PRPF6: variants seen among roughly 807,000 people sequenced by gnomAD.
PRPF6 encodes pre-mRNA processing factor 6.
In PRPF6, 42 loss-of-function variants were observed where a neutral mutation model predicts 118.3. The observed-to-expected ratio is 0.35, with a 90% confidence interval of 0.28 to 0.46. The LOEUF (loss-of-function observed/expected upper bound fraction) is 0.46, where lower values mean the gene tolerates loss of function less well. Among genes scored for constraint, PRPF6 ranks in the 20% least tolerant of loss-of-function variants. The pLI, the probability that PRPF6 is intolerant of heterozygous loss-of-function variation, is 1.00. For synonymous variants in PRPF6, 481 were observed against 485.1 expected, an observed-to-expected ratio of 0.99 and a Z score of 0.11; for missense variants, 662 against 1,255.7, an observed-to-expected ratio of 0.53 and a Z score of 7.15.
intron 5 of PRPF6, 75 bp from the exon 6 acceptor site, chr20:63,995,252 T>C (rs1429425794): frequency 1.3e-6 from 2 of 1,573,376 alleles, no homozygotes; most frequent in African/African-American, 1.4e-5. Context: ...TGGGGAAGTA[T>C]TTCAGAGAGT....
Position 64,002,924 on chromosome 20 carries a change from G to A in PRPF6, c.1186+1685G>A, listed in dbSNP as rs1205361895. Among the ~76,000 whole-genome samples the A allele has an allele frequency of 2.7e-5, 4 of 150,496 alleles. No homozygotes were observed. The South Asian group carries it at 8.5e-4, about 32-fold the overall frequency. On this transcript the variant is annotated intron_variant, in intron 9 of 20. Coordinates refer to ENST00000266079, the MANE Select transcript of PRPF6 (RefSeq NM_012469.4). The stretch of plus-strand genomic sequence containing the variant: ...CTCCCAAAGTGCTGGGATTACAGGC[G>A]TGAGCCACTGTGCCCGGCCAGATTT...
In PRPF6 at chr20:64,021,803, C is replaced by G. The variant is rs1256014062; in HGVS notation, c.1648-954C>G. Among the ~76,000 whole-genome samples, 9 of 133,170 alleles carry G rather than the reference C, an allele frequency of 6.8e-5. No individual in the cohort carries two copies. The East Asian group carries it at 2.1e-3, about 31-fold the overall frequency. The allele number at this position is 133,170 out of a possible 152,430, so 87.4% of individuals were successfully genotyped here. A position where few individuals can be genotyped will look rare whatever the true frequency, so the allele number is the denominator to read the frequency against. On this transcript the variant is annotated intron_variant, in intron 12 of 20. Transcript: ENST00000266079. ...GTGTGTGTGCGTGTGTATGCGTGCA[C>G]GTATGCATATGCCTCGGCCACAGCC...
chr20:64,002,272 C>T (rs373517724), intron 9 of PRPF6, among the ~76,000 whole-genome samples: 30 of 151,508 alleles, frequency 2.0e-4, no homozygotes, highest in African/African-American at 6.1e-4. Context: ...CTGCCTGCCT[C>T]GGCCTCCCAA....
chr20:64,016,342 T>G (rs1239566421), intron 11 of PRPF6, among the ~76,000 whole-genome samples: 1 of 152,148 alleles, frequency 6.6e-6, no homozygotes, highest in African/African-American at 2.4e-5. Flanking sequence ...TTGGCCAGGC[T>G]GGTCTCGAAC....
Position 64,001,147 on chromosome 20 carries a change from C to G in PRPF6, c.1094C>G (p.Ala365Gly). The G allele has an allele frequency of 6.2e-7, 1 of 1,614,232 alleles. No individual in the cohort carries two copies. Among genetic ancestry groups the G allele is most frequent in the Non-Finnish European group, 8.5e-7 (1 of 1,180,036 alleles). Residue 365 changes from alanine (A) to glycine (G), a missense_variant, in exon 9 of 21, where the codon GCT becomes GGT. Ala to Gly is a moderately conservative substitution (Grantham distance 60). Around this residue, in one of 10 missense-constraint regions of PRPF6, gnomAD observed 189 missense variants for 323.5 expected, o/e 0.58. Transcript: ENST00000266079. ...ACAGCCAAGGCCGTGGTAGCCCAAG[C>G]TGTCCGTCATCTCCCACAGTCTGTC... ...GDTAKAVVAQ[A>G]VRHLPQSVRI...
chr20:64,001,148 T>C lies in PRPF6; in HGVS notation c.1095T>C (p.Ala365=). The C allele has an allele frequency of 6.2e-7, 1 of 1,614,200 alleles. No individual in the cohort carries two copies. Among genetic ancestry groups the C allele is most frequent in the Non-Finnish European group, 8.5e-7 (1 of 1,180,036 alleles). Reference sequence around the variant, plus strand: ...CAGCCAAGGCCGTGGTAGCCCAAGCTGTCCGTCATCTCCCACAGTCTGTCA... The same window carrying C: ...CAGCCAAGGCCGTGGTAGCCCAAGCCGTCCGTCATCTCCCACAGTCTGTCA... ...GDTAKAVVAQ[A]VRHLPQSVRI... Residue 365 remains alanine, a synonymous_variant, in exon 9 of 21, where the codon GCT becomes GCC. Coordinates refer to ENST00000266079, the MANE Select transcript of PRPF6 (RefSeq NM_012469.4).
At chr20:64,016,229 C>T (rs1048732598) in intron 11 of PRPF6, among the ~76,000 whole-genome samples, 1 of 151,766 alleles carries the variant, frequency 6.6e-6, no homozygotes, top group Non-Finnish European at 1.5e-5. Context: ...TCAAGTGATT[C>T]TCCTGCCTCG....
intron 3 of PRPF6, among the ~76,000 whole-genome samples, chr20:63,986,821 A>G (rs1355812436): frequency 6.6e-6 from 1 of 151,688 alleles, no homozygotes; most frequent in Non-Finnish European, 1.5e-5. Flanking sequence ...AATGCATTTG[A>G]TAAGATTCAA....
intron 9 of PRPF6, among the ~76,000 whole-genome samples, chr20:64,009,334 G>A (rs945790339): frequency 2.8e-5 from 4 of 145,142 alleles, no homozygotes; most frequent in Non-Finnish European, 4.5e-5. Flanking sequence ...GCATTTTTTC[G>A]TAAATATTTG....
In PRPF6 at chr20:64,011,172, C is replaced by T. The variant is rs766140394; in HGVS notation, c.1306-113C>T. The T allele has an allele frequency of 1.6e-4, 146 of 903,692 alleles. No individual in the cohort carries two copies. The highest frequency in any genetic ancestry group is 7.8e-4 in the South Asian group (56 of 71,466). The allele number at this position is 903,692 out of a possible 1,614,324, so 56.0% of individuals were successfully genotyped here. A position where few individuals can be genotyped will look rare whatever the true frequency, so the allele number is the denominator to read the frequency against. On this transcript the variant is annotated intron_variant, in intron 10 of 20. Coordinates refer to ENST00000266079, the MANE Select transcript of PRPF6 (RefSeq NM_012469.4). This position sits in a 1 kb window ranked among gnomAD's most constrained non-coding sequence, Gnocchi z 6.7. ...TCTCAGGCCATGTTCAGATGGTTCT[C>T]GAGAGCTAAGAAAGAACGTGGTGGC...
chr20:64,029,271 C>T lies in PRPF6; in HGVS notation c.2432-106C>T. On this transcript the variant is annotated intron_variant, in intron 18 of 20. Transcript: ENST00000266079. This position sits in a 1 kb window ranked among gnomAD's most constrained non-coding sequence, Gnocchi z 4.8. Reference sequence around the variant, plus strand: ...GTTCTGCGAGCCGTGTGTGGGAGGCCCCTGTCGTGGTCTGAGGACGTCCCG... The same window carrying T: ...GTTCTGCGAGCCGTGTGTGGGAGGCTCCTGTCGTGGTCTGAGGACGTCCCG... The T allele has an allele frequency of 1.1e-6, 1 of 947,322 alleles. No homozygotes were observed. Among genetic ancestry groups the T allele is most frequent in the Non-Finnish European group, 1.7e-6 (1 of 583,846 alleles). The allele number at this position is 947,322 out of a possible 1,614,324, so 58.7% of individuals were successfully genotyped here.
At chr20:64,002,591 C>T (rs2059172556) in intron 9 of PRPF6, among the ~76,000 whole-genome samples, 3 of 151,992 alleles carry the variant, frequency 2.0e-5, no homozygotes, top group South Asian at 2.1e-4. Flanking sequence ...CTGCCTTGGC[C>T]TCCCAAAGTG....
rs943724359 is a variant in PRPF6 at position 64,028,134 on chromosome 20, C to T, written c.2340-344C>T. Among the ~76,000 whole-genome samples the T allele has an allele frequency of 7.9e-5, 12 of 152,156 alleles. No individual in the cohort carries two copies. The highest frequency in any genetic ancestry group is 2.2e-4 in the African/African-American group (9 of 41,430). On this transcript the variant is annotated intron_variant, in intron 17 of 20. Coordinates refer to ENST00000266079, the MANE Select transcript of PRPF6 (RefSeq NM_012469.4). This position sits in a 1 kb window ranked among gnomAD's most constrained non-coding sequence, Gnocchi z 6.5. ...AGGTGCTGCGTCCAGCTCAGGGTGACGGGGCTGGAGCACTGTGCAGGCACT... is the reference window on the plus strand; with the variant it reads ...AGGTGCTGCGTCCAGCTCAGGGTGATGGGGCTGGAGCACTGTGCAGGCACT...
At chr20:64,006,166 G>C (rs1400365368) in intron 9 of PRPF6, among the ~76,000 whole-genome samples, 1 of 152,104 alleles carries the variant, frequency 6.6e-6, no homozygotes, top group East Asian at 1.9e-4. Flanking sequence ...CCTCTAGATA[G>C]TCTCCCACAG....
chr20:64,019,427 G>A (rs1394133103), intron 12 of PRPF6, among the ~76,000 whole-genome samples: 1 of 152,146 alleles, frequency 6.6e-6, no homozygotes, highest in Non-Finnish European at 1.5e-5. Context: ...CACATACACT[G>A]GAGTAAGCAC....
Position 64,029,295 on chromosome 20 carries a change from C to G in PRPF6, c.2432-82C>G. The G allele has an allele frequency of 7.8e-7, 1 of 1,286,828 alleles. No individual in the cohort carries two copies. Among genetic ancestry groups the G allele is most frequent in the Non-Finnish European group, 1.1e-6 (1 of 887,052 alleles). 79.7% of individuals were successfully genotyped at this position (1,286,828 alleles called of 1,614,324 possible). Reference sequence around the variant, plus strand: ...CCCCTGTCGTGGTCTGAGGACGTCCCGGGTTAGAATCTGTAGGCTGGGCAC... The same window carrying G: ...CCCCTGTCGTGGTCTGAGGACGTCCGGGGTTAGAATCTGTAGGCTGGGCAC... On this transcript the variant is annotated intron_variant, in intron 18 of 20. Coordinates refer to ENST00000266079, the MANE Select transcript of PRPF6 (RefSeq NM_012469.4). This position sits in a 1 kb window ranked among gnomAD's most constrained non-coding sequence, Gnocchi z 4.8.
intron 3 of PRPF6, 32 bp from the exon 4 acceptor site, chr20:63,993,373 AGT>A: frequency 6.6e-7 from 1 of 1,522,786 alleles, no homozygotes; most frequent in Non-Finnish European, 9.1e-7. Flanking sequence ...ACAGACATGC[AGT>A]GTTTCTGATG....
At chr20:63,999,528 G>T (rs2059156645) in intron 7 of PRPF6, 75 bp from the exon 8 acceptor site, 3 of 1,568,092 alleles carry the variant, frequency 1.9e-6, no homozygotes, top group Non-Finnish European at 8.8e-7. Flanking sequence ...ACTGTGAAGT[G>T]GGTGCCCTCA....
intron 20 of PRPF6, 47 bp downstream of exon 20, chr20:64,032,091 G>T: frequency 6.2e-7 from 1 of 1,612,304 alleles, no homozygotes; most frequent in Non-Finnish European, 8.5e-7. Context: ...TGGGACTGTG[G>T]CGGGGAGTTC....
Sources: gnomAD v4.1 joint callset for allele counts (sites outside exome capture counted in the v4.1 genomes callset) on GRCh38, gnomAD v4.1.1 for gene constraint, gnomAD v4.1.1 regional missense constraint, Gnocchi (gnomAD v3.1) non-coding constraint, MANE v1.5 for transcripts, NCBI Gene and HGNC (gene_info 2026-07-23, HGNC 2026-07-21) for gene names.